NR1I2: variants seen among roughly 807,000 people sequenced by gnomAD.
NR1I2 encodes orphan nuclear receptor PAR1.
Under a neutral mutation model 43.3 loss-of-function variants are expected in NR1I2, and 42 were observed. The observed-to-expected ratio is 0.97, with a 90% confidence interval of 0.76 to 1.26. NR1I2 has a LOEUF of 1.26. NR1I2 is among the 50% of genes most tolerant of loss of function. The probability of loss-of-function intolerance (pLI) is 0.00; values close to 1 mark genes in which losing one functional copy is unlikely to be tolerated. For synonymous variants in NR1I2, 229 were observed against 215.0 expected (o/e 1.06, Z -0.57); for missense variants, 559 against 566.7 (o/e 0.99, Z 0.14).
intron 7 of NR1I2, 56 bp downstream of exon 7, chr3:119,815,495 A>G (rs1445735215): frequency 1.4e-6 from 2 of 1,425,562 alleles, no homozygotes; most frequent in Non-Finnish European, 2.0e-6. Flanking sequence ...TGCCCTCCCC[A>G]GGGAAGGTCC....
chr3:119,807,125 A>G (rs2055171943), intron 1 of NR1I2, 104 bp from the exon 2 acceptor site: 6 of 1,031,234 alleles, frequency 5.8e-6, no homozygotes, highest in Non-Finnish European at 8.9e-6. Context: ...CCGAGTTCAC[A>G]GGCCCAAATG....
At position 119,782,886 on chromosome 3, in the gene NR1I2, C is replaced by T. The variant is rs755164180; in HGVS notation, c.-23+586C>T. The T allele has an allele frequency of 3.0e-5, 47 of 1,543,076 alleles. No homozygotes were observed. The African/African-American group carries it at 3.8e-4, about 12-fold the overall frequency. On this transcript the variant is annotated intron_variant, in intron 1 of 8. Transcript: ENST00000393716. ...TCTACCTCTACTATTGAAAGGGCAC[C>T]TTGTCCCACAGAACCGAGTCTTGCC...
In NR1I2 at chr3:119,815,054, A is replaced by C. The variant is rs765663250; in HGVS notation, c.870A>C (p.Thr290=). The C allele has an allele frequency of 6.2e-7, 1 of 1,614,144 alleles. No individual in the cohort carries two copies. The highest frequency in any genetic ancestry group is 8.5e-7 in the Non-Finnish European group (1 of 1,180,016). Residue 290 remains threonine (T), a synonymous_variant, in exon 6 of 9, where the codon ACA becomes ACC. Coordinates refer to ENST00000393716, the MANE Select transcript of NR1I2 (RefSeq NM_003889.4). Reference sequence around the variant, plus strand: ...AGCTGTGTCAACTGAGATTCAACACAGTGTTCAACGCGGAGACTGGAACCT... The same window carrying C: ...AGCTGTGTCAACTGAGATTCAACACCGTGTTCAACGCGGAGACTGGAACCT...
chr3:119,806,450 G>GT (rs146094839), intron 1 of NR1I2, among the ~76,000 whole-genome samples: 175 of 151,294 alleles, frequency 1.2e-3, no homozygotes, highest in African/African-American at 3.6e-3. Flanking sequence ...GATCTTGGCT[G>GT]TTTTTTTTTA....
At chr3:119,792,260 C>T in intron 1 of NR1I2, 1 of 1,543,908 alleles carries the variant, frequency 6.5e-7, no homozygotes, top group East Asian at 2.3e-5. Flanking sequence ...AACTGGTCTC[C>T]AGGCAGGTGA....
intron 1 of NR1I2, among the ~76,000 whole-genome samples, chr3:119,805,243 G>GTTTT (rs1284175534): frequency 1.3e-4 from 19 of 151,560 alleles, no homozygotes; most frequent in Admixed American, 7.2e-4. Context: ...AAGTTTTTTT[G>GTTTT]GTTTGTTTTG....
chr3:119,790,034 C>T (rs2054895723), intron 1 of NR1I2, among the ~76,000 whole-genome samples: 1 of 152,244 alleles, frequency 6.6e-6, no homozygotes, highest in Non-Finnish European at 1.5e-5. Context: ...CAGCCAATCT[C>T]CAGAGGTTTT....
chr3:119,815,382 C>G lies in NR1I2; in HGVS notation c.997C>G (p.Leu333Val). The change falls in exon 7 of 9, where the codon CTG (leucine) becomes GTG (valine). Residue 333 changes from leucine (L) to valine (V), a missense_variant. Transcript: ENST00000393716. ...GAAATTCCACTACATGCTGAAGAAG[C>G]TGCAGCTGCATGAGGAGGAGTATGT... 13 of 1,613,840 alleles carry G rather than the reference C, an allele frequency of 8.1e-6. No homozygotes were observed. The highest frequency in any genetic ancestry group is 1.0e-5 in the Non-Finnish European group (12 of 1,180,026).
chr3:119,808,408 C>A (rs561312670), intron 2 of NR1I2, among the ~76,000 whole-genome samples: 16 of 152,222 alleles, frequency 1.1e-4, no homozygotes, highest in Non-Finnish European at 2.4e-4. Flanking sequence ...TGGCTAGAGC[C>A]GGGCCCAGCC....
At chr3:119,789,518 T>C (rs752071954) in intron 1 of NR1I2, among the ~76,000 whole-genome samples, 2 of 152,204 alleles carry the variant, frequency 1.3e-5, no homozygotes, top group African/African-American at 2.4e-5. Flanking sequence ...AGAACAGTAT[T>C]GGGGGAACCG....
intron 1 of NR1I2, among the ~76,000 whole-genome samples, chr3:119,798,963 G>C (rs958969374): frequency 2.0e-5 from 3 of 152,136 alleles, no homozygotes; most frequent in Non-Finnish European, 2.9e-5. Context: ...TGAATATGTG[G>C]GTCGGGTTTT....
rs2055357767 is a variant in NR1I2 at position 119,818,312 on chromosome 3, G to T, written c.*1100G>T. The T allele has an allele frequency of 1.0e-6, 1 of 985,302 alleles. No homozygotes were observed. The highest frequency in any genetic ancestry group is 1.2e-6 in the Non-Finnish European group (1 of 829,894). The allele number at this position is 985,302 out of a possible 1,614,324, so 61.0% of individuals were successfully genotyped here. On this transcript the variant is annotated 3_prime_UTR_variant, in exon 9 of 9. Coordinates refer to ENST00000393716, the MANE Select transcript of NR1I2 (RefSeq NM_003889.4). ...TACACATCTATTCTCAAAGCTAAAG[G>T]GTATGAAAGTGCCTGCCTTGTTTAT...
intron 1 of NR1I2, among the ~76,000 whole-genome samples, chr3:119,786,833 C>G (rs996281608): frequency 1.5e-5 from 2 of 134,816 alleles, no homozygotes; most frequent in Non-Finnish European, 3.3e-5. Context: ...GGAGGCCTGC[C>G]CCATGCCAGG....
At chr3:119,804,129 T>C (rs1394397554) in intron 1 of NR1I2, among the ~76,000 whole-genome samples, 1 of 150,572 alleles carries the variant, frequency 6.6e-6, no homozygotes, top group Admixed American at 6.6e-5. Context: ...CCCAGCACTT[T>C]GGGAGGCCAA....
chr3:119,792,469 G>A, intron 1 of NR1I2: 1 of 1,113,406 alleles, frequency 9.0e-7, no homozygotes, highest in Admixed American at 1.9e-5. Context: ...AAGCTGCAGA[G>A]GACATCACGT....
chr3:119,802,781 C>A, intron 1 of NR1I2: 1 of 420,322 alleles, frequency 2.4e-6, no homozygotes, highest in Non-Finnish European at 4.8e-6. Context: ...GAGTGACTTC[C>A]AAGTTATTTG....
intron 6 of NR1I2, 36 bp downstream of exon 6, chr3:119,815,157 GGGAAACACT>G (rs1170563617): frequency 1.2e-6 from 2 of 1,613,786 alleles, no homozygotes; most frequent in African/African-American, 2.7e-5. Context: ...GGCAGAGGGA[GGGAAACACT>G]GCAGTTATGG....
intron 1 of NR1I2, among the ~76,000 whole-genome samples, chr3:119,801,852 G>T (rs1011103144): frequency 6.6e-6 from 1 of 152,140 alleles, no homozygotes; most frequent in Admixed American, 6.5e-5. Flanking sequence ...GGGAGGCTGG[G>T]GTGGCTGGTC....
intron 1 of NR1I2, among the ~76,000 whole-genome samples, chr3:119,784,769 C>T (rs1193249096): frequency 1.3e-5 from 2 of 152,100 alleles, no homozygotes; most frequent in Admixed American, 6.6e-5. Context: ...GAAATATCAC[C>T]TCTATCATGT....
Sources: allele counts gnomAD v4.1 joint callset (sites outside exome capture counted in the v4.1 genomes callset), GRCh38; gene constraint gnomAD v4.1.1; transcripts MANE v1.5; gene names NCBI Gene and HGNC (gene_info 2026-07-23, HGNC 2026-07-21).